The following RNF10 variants were observed in gnomAD, a reference collection of about 807,000 sequenced individuals.
The protein encoded by RNF10 is ring finger protein 10.
RNF10 carries 38 observed loss-of-function variants against 91.4 expected under a neutral mutation model. That is an observed-to-expected ratio of 0.42 (90% CI 0.32 to 0.54). RNF10 has a LOEUF of 0.54. RNF10 is among the 20% of genes least tolerant of loss of function. The probability of loss-of-function intolerance (pLI) is 0.16; values close to 1 mark genes in which losing one functional copy is unlikely to be tolerated. For synonymous variants in RNF10, 364 were observed against 366.3 expected, an observed-to-expected ratio of 0.99 and a Z score of 0.07; for missense variants, 945 against 1,012.0, an observed-to-expected ratio of 0.93 and a Z score of 0.90.
chr12:120,570,967 G>A (rs553355220), intron 13 of RNF10, among the ~76,000 whole-genome samples: 13 of 152,210 alleles, frequency 8.5e-5, no homozygotes, highest in African/African-American at 1.7e-4. Flanking sequence ...TTACTGTAAC[G>A]ATGAAGCTCT....
Position 120,575,618 on chromosome 12 carries a change from C to T in RNF10, c.2143-13C>T. On this transcript the variant is annotated splice_polypyrimidine_tract_variant and intron_variant, in intron 14 of 16. Coordinates refer to ENST00000325954, the MANE Select transcript of RNF10 (RefSeq NM_014868.5). ...CTTAAATTCTCTCCCCCACTTCTTT[C>T]CCACTTTGGCAGATGCTGAGGGTTG... 2 of 1,614,088 alleles carry T rather than the reference C, an allele frequency of 1.2e-6. No homozygotes were observed. Among genetic ancestry groups the T allele is most frequent in the Non-Finnish European group, 1.7e-6 (2 of 1,180,006 alleles).
chr12:120,560,943 A>G (rs1407687232), intron 7 of RNF10, 57 bp downstream of exon 7: 1 of 1,562,508 alleles, frequency 6.4e-7, no homozygotes, highest in African/African-American at 1.4e-5. Context: ...TTCTGTGGTG[A>G]AAACCAGAAA....
At position 120,534,539 on chromosome 12, in the gene RNF10, C is replaced by A; in HGVS notation, c.-273C>A. 1 of 509,978 alleles carries A rather than the reference C, an allele frequency of 2.0e-6. No homozygotes were observed. The highest frequency in any genetic ancestry group is 2.9e-6 in the Non-Finnish European group (1 of 344,772). 31.6% of individuals were successfully genotyped at this position (509,978 alleles called of 1,614,324 possible). A position where few individuals can be genotyped will look rare whatever the true frequency, so the allele number is the denominator to read the frequency against. On this transcript the variant is annotated 5_prime_UTR_variant, in exon 1 of 17. Transcript: ENST00000325954. Reference sequence around the variant, plus strand: ...GGCTCGCGCAACCTCCCTCGCCTCCCCTTCCCCCGCAGCCTCCGCCCCGCC... The same window carrying A: ...GGCTCGCGCAACCTCCCTCGCCTCCACTTCCCCCGCAGCCTCCGCCCCGCC...
At chr12:120,572,297 AC>A (rs1876762047) in intron 14 of RNF10, among the ~76,000 whole-genome samples, 1 of 151,444 alleles carries the variant, frequency 6.6e-6, no homozygotes, top group African/African-American at 2.4e-5. Flanking sequence ...CAATCTCCTG[AC>A]CTCGTGATCC....
chr12:120,570,781 G>A (rs1281884754), intron 13 of RNF10, among the ~76,000 whole-genome samples: 1 of 152,172 alleles, frequency 6.6e-6, no homozygotes, highest in African/African-American at 2.4e-5. Context: ...GTCTACTATC[G>A]GGAATGTAAA....
At chr12:120,560,129 TC>T (rs930015422) in intron 6 of RNF10, among the ~76,000 whole-genome samples, 1 of 150,714 alleles carries the variant, frequency 6.6e-6, no homozygotes, top group African/African-American at 2.4e-5. Flanking sequence ...TTTGAGCTTT[TC>T]TTTTTCTGTG....
At chr12:120,551,625 T>A (rs1350741959) in intron 2 of RNF10, among the ~76,000 whole-genome samples, 2 of 151,792 alleles carry the variant, frequency 1.3e-5, no homozygotes, top group Non-Finnish European at 2.9e-5. Flanking sequence ...TTTTTAAATT[T>A]TAGATTTTAT....
Position 120,552,521 on chromosome 12 carries a change from A to G in RNF10, c.377A>G (p.Glu126Gly). Reference sequence around the variant, plus strand: ...TAGGTAGCAGAGGCTCAACGGGCAGAGTTTAGCCCTGCCCAGTTCTCTGGT... The same window carrying G: ...TAGGTAGCAGAGGCTCAACGGGCAGGGTTTAGCCCTGCCCAGTTCTCTGGT... Reference protein sequence around the residue: ...RDEVAEAQRAEFSPAQFSGPK... With the variant: ...RDEVAEAQRAGFSPAQFSGPK... Residue 126 changes from glutamate to glycine, a missense_variant, in exon 3 of 17, where the codon GAG becomes GGG. Coordinates refer to ENST00000325954, the MANE Select transcript of RNF10 (RefSeq NM_014868.5). The G allele has an allele frequency of 1.9e-6, 3 of 1,613,718 alleles. No homozygotes were observed. The highest frequency in any genetic ancestry group is 2.5e-6 in the Non-Finnish European group (3 of 1,179,622).
At chr12:120,563,987 A>G in intron 10 of RNF10, 44 bp downstream of exon 10, 1 of 1,611,522 alleles carries the variant, frequency 6.2e-7, no homozygotes, top group Non-Finnish European at 8.5e-7. Context: ...AGCAGTATTA[A>G]CCTAATCTCT....
At chr12:120,570,685 A>G (rs1202565043) in intron 13 of RNF10, among the ~76,000 whole-genome samples, 4 of 152,168 alleles carry the variant, frequency 2.6e-5, no homozygotes, top group Admixed American at 2.6e-4. Flanking sequence ...TGTATTACCT[A>G]GGGAGTATTG....
In RNF10 at chr12:120,554,743, C is replaced by T; in HGVS notation, c.580C>T (p.Gln194Ter). 6.2e-7 allele frequency: 1 copy of T among 1,613,632 alleles called. No individual in the cohort carries two copies. The highest frequency in any genetic ancestry group is 1.1e-5 in the South Asian group (1 of 91,048). Reference protein sequence around the residue: ...ANCQFVVSEDQDYTAHFADPD... With the variant: ...ANCQFVVSED ...CTGCCAATTTGTGGTGTCTGAAGAC[C>T]AAGACTACACAGCTCATTTTGCTGA... Residue 194 changes from glutamine (Q) to a stop codon, truncating the protein, a stop_gained, in exon 4 of 17, where the codon CAA (glutamine) becomes TAA (stop). Coordinates refer to ENST00000325954, the MANE Select transcript of RNF10 (RefSeq NM_014868.5). LOFTEE classifies it high-confidence loss of function.
intron 13 of RNF10, among the ~76,000 whole-genome samples, 168 bp downstream of exon 13, chr12:120,567,148 T>TG (rs1415186242): frequency 6.6e-6 from 1 of 152,176 alleles, no homozygotes; most frequent in Non-Finnish European, 1.5e-5. Flanking sequence ...CTTTCCCACT[T>TG]GCTATACTGA....
At chr12:120,568,803 C>T (rs182166011) in intron 13 of RNF10, among the ~76,000 whole-genome samples, 1 of 152,166 alleles carries the variant, frequency 6.6e-6, no homozygotes, top group Admixed American at 6.5e-5. Flanking sequence ...TAGGGTCTTG[C>T]TCAGTGCTGT....
At chr12:120,558,454 TAAA>T (rs147730561) in intron 6 of RNF10, among the ~76,000 whole-genome samples, 3 of 150,620 alleles carry the variant, frequency 2.0e-5, no homozygotes, top group Non-Finnish European at 3.0e-5. Context: ...GTGTATTAAT[TAAA>T]AAAAAATCCT....
intron 4 of RNF10, among the ~76,000 whole-genome samples, chr12:120,556,698 T>G (rs1874080244): frequency 6.6e-6 from 1 of 152,118 alleles, no homozygotes; most frequent in Non-Finnish European, 1.5e-5. Context: ...TTCTAGACCC[T>G]TTTTAGGCCT....
At chr12:120,535,154 C>T (rs972235219) in intron 1 of RNF10, among the ~76,000 whole-genome samples, 186 bp downstream of exon 1, 1 of 152,236 alleles carries the variant, frequency 6.6e-6, no homozygotes. Flanking sequence ...TTACGTGGAT[C>T]ATTTACATTA....
At chr12:120,564,846 T>A (rs1307655392) in intron 10 of RNF10, among the ~76,000 whole-genome samples, 1 of 152,234 alleles carries the variant, frequency 6.6e-6, no homozygotes, top group East Asian at 1.9e-4. Flanking sequence ...CTCAGTTCAC[T>A]CCTTTGCAGT....
intron 2 of RNF10, 38 bp downstream of exon 2, chr12:120,546,639 A>G (rs1157512537): frequency 4.5e-6 from 7 of 1,565,576 alleles, no homozygotes; most frequent in South Asian, 1.1e-5. Context: ...GAGCATAAGC[A>G]TGAGATCTGA....
intron 1 of RNF10, among the ~76,000 whole-genome samples, chr12:120,545,549 A>AT (rs982154748): frequency 3.3e-5 from 5 of 149,492 alleles, no homozygotes; most frequent in South Asian, 2.1e-4. Context: ...ATTTAATTAA[A>AT]TTTTTTTTTG....
Sources: allele counts gnomAD v4.1 joint callset (sites outside exome capture counted in the v4.1 genomes callset), GRCh38; gene constraint gnomAD v4.1.1; transcripts MANE v1.5; gene names NCBI Gene and HGNC (gene_info 2026-07-23, HGNC 2026-07-21).